The following TNN variants were observed in gnomAD, a reference collection of about 807,000 sequenced individuals.
The protein encoded by TNN is tenascin-N.
A neutral mutation model predicts 134.4 loss-of-function variants in TNN; 122 were observed. That is an observed-to-expected ratio of 0.91 (90% CI 0.78 to 1.06). The LOEUF (loss-of-function observed/expected upper bound fraction) is 1.06, where lower values mean the gene tolerates loss of function less well. Among genes scored for constraint, TNN ranks in the 50% least tolerant of loss-of-function variants. The pLI, the probability that TNN is intolerant of heterozygous loss-of-function variation, is 0.00. For synonymous variants in TNN, 710 were observed against 670.3 expected (o/e 1.06, Z -0.91); for missense variants, 1,739 against 1,699.4 (o/e 1.02, Z -0.41).
At chr1:175,115,191 G>C (rs1472292046) in intron 9 of TNN, among the ~76,000 whole-genome samples, 1 of 152,122 alleles carries the variant, frequency 6.6e-6, no homozygotes, top group African/African-American at 2.4e-5. Context: ...TGCTCAGCTT[G>C]GTTGAGGCAC....
intron 1 of TNN, among the ~76,000 whole-genome samples, chr1:175,073,162 G>A (rs998574526): frequency 5.9e-5 from 9 of 152,026 alleles, no homozygotes; most frequent in Non-Finnish European, 1.3e-4. Flanking sequence ...ACTGGTGAAC[G>A]GCAGAAGTGT....
rs745524270 is a variant in TNN, at chr1:175,083,893, G to A, written c.1192G>A (p.Val398Met). The A allele has an allele frequency of 5.0e-6, 8 of 1,614,040 alleles. No homozygotes were observed. The highest frequency in any genetic ancestry group is 6.8e-6 in the Non-Finnish European group (8 of 1,180,038). Residue 398 changes from valine (V) to methionine (M), a missense_variant, in exon 5 of 19, where the codon GTG becomes ATG. Transcript: ENST00000239462. ...MTGQEVAEVT[V>M]PKSSDPKSRY... ...AGGACAGGAGGTAGCTGAGGTCACT[G>A]TGCCCAAGAGCAGTGACCCCAAGAG... is the stretch of plus-strand genomic sequence containing the variant.
At chr1:175,144,062 G>C (rs1317137830) in intron 17 of TNN, among the ~76,000 whole-genome samples, 2 of 152,122 alleles carry the variant, frequency 1.3e-5, no homozygotes, top group African/African-American at 2.4e-5. Flanking sequence ...GTGGAGAGTG[G>C]TGCTCTTGTG....
At chr1:175,070,801 A>G (rs1434433180) in intron 1 of TNN, among the ~76,000 whole-genome samples, 2 of 152,218 alleles carry the variant, frequency 1.3e-5, no homozygotes, top group East Asian at 3.8e-4. Flanking sequence ...CCTCTAGTTC[A>G]AGGTGAGTTG....
At chr1:175,145,242 C>T (rs1009672652) in intron 18 of TNN, among the ~76,000 whole-genome samples, 3 of 151,988 alleles carry the variant, frequency 2.0e-5, no homozygotes, top group Non-Finnish European at 4.4e-5. Flanking sequence ...TCTAGTTGTT[C>T]TCCTAGTTGA....
At chr1:175,069,126 C>G (rs550450441) in intron 1 of TNN, among the ~76,000 whole-genome samples, 1 of 152,188 alleles carries the variant, frequency 6.6e-6, no homozygotes, top group Non-Finnish European at 1.5e-5. Flanking sequence ...AAGTAACAAA[C>G]TGCCCACATT....
chr1:175,112,598 C>CTGTTTTTTT (rs1675058784), intron 9 of TNN, among the ~76,000 whole-genome samples: 1 of 21,974 alleles, frequency 4.6e-5, no homozygotes, highest in Admixed American at 8.2e-4. Context: ...GCCGGCCGAT[C>CTGTTTTTTT]TTTTTTTTTT....
intron 6 of TNN, among the ~76,000 whole-genome samples, chr1:175,086,670 T>C (rs1674330708): frequency 6.6e-6 from 1 of 152,260 alleles, no homozygotes. Context: ...GAATTCACTA[T>C]TTCAGCTGCC....
At chr1:175,118,320 G>T (rs1026308218) in intron 10 of TNN, among the ~76,000 whole-genome samples, 2 of 152,144 alleles carry the variant, frequency 1.3e-5, no homozygotes, top group Admixed American at 1.3e-4. Flanking sequence ...TTTTGCTAAA[G>T]ACTTGGTAGA....
chr1:175,096,346 T>C (rs539632577), intron 7 of TNN, among the ~76,000 whole-genome samples: 3 of 152,310 alleles, frequency 2.0e-5, no homozygotes, highest in South Asian at 4.2e-4. Context: ...TTTGGTGCAC[T>C]AGTGAAGGAT....
intron 4 of TNN, among the ~76,000 whole-genome samples, chr1:175,080,634 A>T (rs760667070): frequency 7.2e-5 from 11 of 152,078 alleles, no homozygotes; most frequent in Non-Finnish European, 1.6e-4. Flanking sequence ...GACCTGCTAG[A>T]TGGGGGCTCA....
Position 175,097,315 on chromosome 1 carries a change from C to T in TNN, c.1589-102C>T, listed in dbSNP as rs544292320. 13 of 1,444,284 alleles carry T rather than the reference C, an allele frequency of 9.0e-6. No homozygotes were observed. The South Asian group carries it at 1.7e-4, about 19-fold the overall frequency. 89.5% of individuals were successfully genotyped at this position (1,444,284 alleles called of 1,614,324 possible). The stretch of plus-strand genomic sequence containing the variant: ...AACTCAATCATTGACATATTAGAGA[C>T]TCTGACATTTGTTGAGGTTATCACT... On this transcript the variant is annotated intron_variant, in intron 7 of 18. Coordinates refer to ENST00000239462, the MANE Select transcript of TNN (RefSeq NM_022093.2).
chr1:175,144,315 G>A, intron 17 of TNN, 72 bp from the exon 18 acceptor site: 1 of 1,447,062 alleles, frequency 6.9e-7, no homozygotes, highest in East Asian at 2.3e-5. Context: ...AGATCTTCCT[G>A]CTGGGTCCTC....
At chr1:175,114,061 T>A (rs989949599) in intron 9 of TNN, among the ~76,000 whole-genome samples, 2 of 152,216 alleles carry the variant, frequency 1.3e-5, no homozygotes, top group Non-Finnish European at 1.5e-5. Context: ...GATTTCTTTT[T>A]AATTGGGGTC....
At chr1:175,091,930 C>A (rs1182242515) in intron 6 of TNN, among the ~76,000 whole-genome samples, 1 of 152,150 alleles carries the variant, frequency 6.6e-6, no homozygotes, top group African/African-American at 2.4e-5. Context: ...ACCAACCCCA[C>A]AAAGCCACAG....
chr1:175,130,220 C>A (rs1011619253), intron 15 of TNN, among the ~76,000 whole-genome samples: 3 of 152,188 alleles, frequency 2.0e-5, no homozygotes, highest in East Asian at 1.9e-4. Context: ...AGTGCTCAAA[C>A]CTTATTCATT....
chr1:175,075,509 TG>T (rs997866515), intron 1 of TNN, among the ~76,000 whole-genome samples: 1 of 152,216 alleles, frequency 6.6e-6, no homozygotes, highest in Non-Finnish European at 1.5e-5. Flanking sequence ...TTGGCCAGAC[TG>T]GTCTCGAACT....
chr1:175,120,989 G>A (rs1206275246), intron 11 of TNN, among the ~76,000 whole-genome samples: 1 of 151,958 alleles, frequency 6.6e-6, no homozygotes, highest in Non-Finnish European at 1.5e-5. Flanking sequence ...TTAGAGATGG[G>A]GTCTCACTGT....
chr1:175,137,673 G>A (rs1451547138), intron 17 of TNN, among the ~76,000 whole-genome samples: 2 of 152,154 alleles, frequency 1.3e-5, no homozygotes, highest in Non-Finnish European at 2.9e-5. Flanking sequence ...GTAAGAGGGG[G>A]AGGTGTGGTC....
Sources: allele counts gnomAD v4.1 joint callset (sites outside exome capture counted in the v4.1 genomes callset), GRCh38; gene constraint gnomAD v4.1.1; transcripts MANE v1.5; gene names NCBI Gene and HGNC (gene_info 2026-07-23, HGNC 2026-07-21).